Variants in CORIN observed in about 807,000 individuals in gnomAD.
The protein encoded by CORIN is corin, serine peptidase.
Under a neutral mutation model 125.3 loss-of-function variants are expected in CORIN, and 117 were observed. The observed-to-expected ratio is 0.93, with a 90% CI of 0.80 to 1.09. CORIN has a LOEUF of 1.09. Among genes scored for constraint, CORIN ranks in the 50% least tolerant of loss-of-function variants. CORIN has a pLI of 0.00. For missense variants in CORIN, 1,253 were observed against 1,306.7 expected, an observed-to-expected ratio of 0.96 and a Z score of 0.63; for synonymous variants, 450 against 466.4, an observed-to-expected ratio of 0.96 and a Z score of 0.45.
At chr4:47,822,962 C>T (rs986872684) in intron 1 of CORIN, among the ~76,000 whole-genome samples, 4 of 151,980 alleles carry the variant, frequency 2.6e-5, no homozygotes, top group South Asian at 2.1e-4. Flanking sequence ...ACTACAGGCG[C>T]GTGCCAACAT....
At chr4:47,670,817 A>C (rs548493464) in intron 10 of CORIN, among the ~76,000 whole-genome samples, 1 of 152,346 alleles carries the variant, frequency 6.6e-6, no homozygotes, top group East Asian at 1.9e-4. Flanking sequence ...TCCTACCCTC[A>C]AAGGCAAGGA....
chr4:47,660,827 T>G (rs1305920456), intron 12 of CORIN, among the ~76,000 whole-genome samples: 1 of 152,184 alleles, frequency 6.6e-6, no homozygotes, highest in Non-Finnish European at 1.5e-5. Flanking sequence ...CACTGCTAGG[T>G]ATATACCTAA....
chr4:47,785,893 CAG>C (rs1265774305), intron 3 of CORIN, among the ~76,000 whole-genome samples: 1 of 115,200 alleles, frequency 8.7e-6, no homozygotes, highest in African/African-American at 3.4e-5. Flanking sequence ...GACTAGGAGA[CAG>C]AGAGACTCCA....
intron 20 of CORIN, 98 bp downstream of exon 20, chr4:47,603,299 C>G: frequency 7.6e-7 from 1 of 1,308,796 alleles, no homozygotes. Context: ...CCCATCCCTG[C>G]AGAACTGTGA....
At chr4:47,596,360 TTTGTGAATGAA>T (rs1267423156) in intron 21 of CORIN, among the ~76,000 whole-genome samples, 1 of 152,198 alleles carries the variant, frequency 6.6e-6, no homozygotes, top group Non-Finnish European at 1.5e-5. Flanking sequence ...AGATTCTTGC[TTTGTGAATGAA>T]TACATTAAGC....
In CORIN at chr4:47,744,516, T is replaced by TC. The variant is rs756399499; in HGVS notation, c.684dup (p.Met229AspfsTer16). 1.1e-5 allele frequency: 17 copies of TC among 1,612,850 alleles called. No individual in the cohort carries two copies. The East Asian group carries it at 3.8e-4, about 36-fold the overall frequency. ...AAATCCGGCCAGGAGTAATTCACCA[T>TC]CCCCAGGACTGATTCACAGCCTTCT... On this transcript the variant is annotated frameshift_variant, in exon 5 of 22. Transcript: ENST00000273857. LOFTEE classifies it high-confidence loss of function.
intron 3 of CORIN, among the ~76,000 whole-genome samples, chr4:47,782,052 AT>A: frequency 6.6e-6 from 1 of 152,232 alleles, no homozygotes; most frequent in South Asian, 2.1e-4. Flanking sequence ...TACACACCTA[AT>A]GACAGACCGT....
intron 5 of CORIN, among the ~76,000 whole-genome samples, chr4:47,703,042 AT>A (rs148912804): frequency 0.037 from 5,636 of 152,134 alleles, 138 homozygotes; most frequent in Non-Finnish European, 0.052. Flanking sequence ...TACATTAGGT[AT>A]TTCTCAGCAT....
chr4:47,661,597 T>A, intron 12 of CORIN, 114 bp downstream of exon 12: 1 of 1,026,292 alleles, frequency 9.7e-7, no homozygotes, highest in Non-Finnish European at 1.4e-6. Flanking sequence ...GCAGCCTGAT[T>A]GGAAACTAAA....
chr4:47,770,385 G>A (rs531742292), intron 3 of CORIN, among the ~76,000 whole-genome samples: 1 of 152,266 alleles, frequency 6.6e-6, no homozygotes, highest in African/African-American at 2.4e-5. Context: ...AAGTGCTGGT[G>A]AGGATGTGGA....
chr4:47,623,490 G>C, intron 19 of CORIN, 81 bp downstream of exon 19: 1 of 1,436,972 alleles, frequency 7.0e-7, no homozygotes, highest in Non-Finnish European at 9.6e-7. Context: ...TGGCTTCATG[G>C]AGTTACATAT....
chr4:47,679,097 C>G (rs183611582), intron 8 of CORIN, among the ~76,000 whole-genome samples: 1 of 152,166 alleles, frequency 6.6e-6, no homozygotes, highest in African/African-American at 2.4e-5. Flanking sequence ...TTACTAGACA[C>G]AAAAAGATGA....
At chr4:47,684,597 A>G (rs1725429421) in intron 6 of CORIN, among the ~76,000 whole-genome samples, 1 of 152,324 alleles carries the variant, frequency 6.6e-6, no homozygotes, top group Admixed American at 6.5e-5. Flanking sequence ...TTGGGACAAA[A>G]TCAGCCACTT....
chr4:47,671,832 A>G lies in CORIN; in HGVS notation c.1357+2561T>C, dbSNP rs1191462323. ...TCTCAATCTCCTGACCTCATGATCCACCCGCCTCGGCCTCCCAAAGTGCTG... is the reference window on the plus strand; with the variant it reads ...TCTCAATCTCCTGACCTCATGATCCGCCCGCCTCGGCCTCCCAAAGTGCTG... On this transcript the variant is annotated intron_variant, in intron 10 of 21. Coordinates refer to ENST00000273857, the MANE Select transcript of CORIN (RefSeq NM_006587.4). Among the ~76,000 whole-genome samples, 3 of 151,082 alleles carry G rather than the reference A, an allele frequency of 2.0e-5. No individual in the cohort carries two copies. In the East Asian group the frequency reaches 5.9e-4, roughly 29 times the overall value.
intron 15 of CORIN, among the ~76,000 whole-genome samples, 167 bp from the exon 16 acceptor site, chr4:47,642,216 G>A (rs1266839702): frequency 1.3e-5 from 2 of 151,950 alleles, no homozygotes; most frequent in East Asian, 3.8e-4. Context: ...CAGTGTGCTA[G>A]AGGGCTAAAA....
chr4:47,632,749 A>AGATAGAT lies in CORIN; in HGVS notation c.2199-6235_2199-6229dup, dbSNP rs1553905928. The stretch of plus-strand genomic sequence containing the variant: ...ATGATAGATAGATAGATAGATAGAT[A>AGATAGAT]GATAGATAGATAGATAGAGATAGAT... On this transcript the variant is annotated intron_variant, in intron 16 of 21. Transcript: ENST00000273857. Among the ~76,000 whole-genome samples the AGATAGAT allele has an allele frequency of 5.3e-4, 62 of 116,684 alleles. 1 individual carries two copies. Among genetic ancestry groups the AGATAGAT allele is most frequent in the Middle Eastern group, 4.0e-3 (1 of 252 alleles). 76.5% of individuals were successfully genotyped at this position (116,684 alleles called of 152,430 possible).
intron 6 of CORIN, among the ~76,000 whole-genome samples, chr4:47,691,828 A>G (rs1433723956): frequency 6.6e-6 from 1 of 152,204 alleles, no homozygotes; most frequent in Non-Finnish European, 1.5e-5. Flanking sequence ...ATAAACTGCC[A>G]TTCAGTAGTT....
intron 20 of CORIN, 70 bp downstream of exon 20, chr4:47,603,327 C>T (rs982236594): frequency 2.7e-6 from 4 of 1,494,998 alleles, no homozygotes; most frequent in Non-Finnish European, 2.7e-6. Flanking sequence ...AAACTTCTTT[C>T]CTTTATAAAT....
rs187554376 is a variant in CORIN at position 47,671,840 on chromosome 4, C to T, written c.1357+2553G>A. 4.6e-3 allele frequency among the ~76,000 whole-genome samples: 698 copies of T among 152,270 alleles called. 14 individuals carry two copies. Among genetic ancestry groups the T allele is most frequent in the Admixed American group, 0.033 (501 of 15,300 alleles). ...TCCTGACCTCATGATCCACCCGCCTCGGCCTCCCAAAGTGCTGGGATTACA... is the reference window on the plus strand; with the variant it reads ...TCCTGACCTCATGATCCACCCGCCTTGGCCTCCCAAAGTGCTGGGATTACA... On this transcript the variant is annotated intron_variant, in intron 10 of 21. Coordinates refer to ENST00000273857, the MANE Select transcript of CORIN (RefSeq NM_006587.4).
Sources: allele counts gnomAD v4.1 joint callset (sites outside exome capture counted in the v4.1 genomes callset), GRCh38; gene constraint gnomAD v4.1.1; transcripts MANE v1.5; gene names NCBI Gene and HGNC (gene_info 2026-07-23, HGNC 2026-07-21).